The following RSPO2 variants were observed in gnomAD, a reference collection of about 807,000 sequenced individuals.
The protein encoded by RSPO2 is R-spondin 2.
RSPO2 carries 14 observed loss-of-function variants against 30.9 expected under a neutral mutation model. The ratio of observed to expected loss-of-function variants is 0.45; its 90% CI spans 0.30 to 0.71. The LOEUF (loss-of-function observed/expected upper bound fraction) is 0.71. Among genes scored for constraint, RSPO2 ranks in the 30% least tolerant of loss-of-function variants. The pLI, the probability that RSPO2 is intolerant of heterozygous loss-of-function variation, is 0.08. For synonymous variants in RSPO2, 107 were observed against 96.4 expected (o/e 1.11, Z -0.64); for missense variants, 264 against 301.9 (o/e 0.87, Z 0.93).
chr8:107,948,257 T>C (rs1426698750), intron 5 of RSPO2, among the ~76,000 whole-genome samples: 1 of 152,196 alleles, frequency 6.6e-6, no homozygotes, highest in Non-Finnish European at 1.5e-5. Context: ...TAGGAAGTAA[T>C]GGATGCTTAA....
intron 5 of RSPO2, among the ~76,000 whole-genome samples, chr8:107,922,918 T>C (rs1015925801): frequency 2.0e-5 from 3 of 152,028 alleles, no homozygotes; most frequent in Middle Eastern, 6.8e-3. Flanking sequence ...TTACAGCATA[T>C]AAAAAATCAA....
chr8:107,922,063 C>T lies in RSPO2; in HGVS notation c.617-20873G>A, dbSNP rs140712304. On this transcript the variant is annotated intron_variant, in intron 5 of 5. Coordinates refer to ENST00000276659, the MANE Select transcript of RSPO2 (RefSeq NM_178565.5). Reference sequence around the variant, plus strand: ...CACGAGACAAGGATGTCCTCTCTCACCACTTTTATTCAACATAGTATTGGA... The same window carrying T: ...CACGAGACAAGGATGTCCTCTCTCATCACTTTTATTCAACATAGTATTGGA... 3.4e-4 allele frequency among the ~76,000 whole-genome samples: 52 copies of T among 152,238 alleles called. No individual in the cohort carries two copies. In the East Asian group the frequency reaches 9.7e-3, roughly 28 times the overall value.
intron 5 of RSPO2, among the ~76,000 whole-genome samples, chr8:107,945,855 G>A (rs1298994445): frequency 1.3e-5 from 2 of 152,230 alleles, no homozygotes; most frequent in African/African-American, 2.4e-5. Context: ...TAATCAGGAG[G>A]CTCAGTGCCT....
chr8:108,070,341 G>A (rs867817420), intron 2 of RSPO2, among the ~76,000 whole-genome samples: 42 of 143,084 alleles, frequency 2.9e-4, no homozygotes, highest in African/African-American at 9.8e-4. Context: ...GCCGGACTGC[G>A]GACTGCAGTG....
intron 2 of RSPO2, among the ~76,000 whole-genome samples, chr8:108,001,997 T>C (rs945891554): frequency 1.3e-5 from 2 of 152,150 alleles, no homozygotes; most frequent in South Asian, 2.1e-4. Context: ...GGCACATATA[T>C]ACCTATGTAA....
chr8:107,995,876 T>C (rs747708134), intron 2 of RSPO2, among the ~76,000 whole-genome samples: 1 of 152,176 alleles, frequency 6.6e-6, no homozygotes, highest in Non-Finnish European at 1.5e-5. Flanking sequence ...TCAATTTTCC[T>C]GCTTTTATAC....
chr8:108,027,311 C>G (rs1035433466), intron 2 of RSPO2, among the ~76,000 whole-genome samples: 1 of 152,202 alleles, frequency 6.6e-6, no homozygotes. Context: ...AAGACATTGT[C>G]TAGATGCTTA....
intron 5 of RSPO2, among the ~76,000 whole-genome samples, chr8:107,951,053 G>GTTTTTT (rs1186012158): frequency 1.1e-5 from 1 of 92,488 alleles, no homozygotes; most frequent in Non-Finnish European, 2.8e-5. Flanking sequence ...GTTTTTTTTT[G>GTTTTTT]TTGTTGTTGT....
intron 5 of RSPO2, among the ~76,000 whole-genome samples, chr8:107,953,170 C>T (rs1813310246): frequency 6.6e-6 from 1 of 152,154 alleles, no homozygotes; most frequent in Admixed American, 6.5e-5. Context: ...AGGCACAGAG[C>T]CTTCTGATGT....
intron 2 of RSPO2, among the ~76,000 whole-genome samples, chr8:108,070,902 T>A (rs1306018602): frequency 6.6e-6 from 1 of 152,246 alleles, no homozygotes; most frequent in African/African-American, 2.4e-5. Flanking sequence ...AAATACTTTT[T>A]TCTTTAATTT....
At chr8:107,955,820 T>A (rs1474441587) in intron 5 of RSPO2, among the ~76,000 whole-genome samples, 2 of 152,176 alleles carry the variant, frequency 1.3e-5, no homozygotes, top group African/African-American at 4.8e-5. Context: ...TGCGTTTGTG[T>A]GCAATCAGGT....
intron 2 of RSPO2, among the ~76,000 whole-genome samples, chr8:107,992,914 A>AT (rs148709722): frequency 1.3e-5 from 2 of 152,174 alleles, no homozygotes; most frequent in African/African-American, 4.8e-5. Context: ...AAATATCTTA[A>AT]TTTTTTTTAA....
chr8:108,006,821 T>C (rs1463506166), intron 2 of RSPO2, among the ~76,000 whole-genome samples: 1 of 152,210 alleles, frequency 6.6e-6, no homozygotes, highest in Non-Finnish European at 1.5e-5. Context: ...TCTCTCCCTC[T>C]GTGTATGTCA....
chr8:108,073,652 CAT>C (rs1171066424), intron 2 of RSPO2, among the ~76,000 whole-genome samples: 1 of 152,192 alleles, frequency 6.6e-6, no homozygotes, highest in Non-Finnish European at 1.5e-5. Context: ...AGTTAGATCA[CAT>C]GAGAAGTTTT....
At chr8:107,968,994 G>A (rs969533020) in intron 3 of RSPO2, among the ~76,000 whole-genome samples, 1 of 152,086 alleles carries the variant, frequency 6.6e-6, no homozygotes, top group Non-Finnish European at 1.5e-5. Flanking sequence ...ACAATCATTT[G>A]TTGGGTACCT....
intron 2 of RSPO2, among the ~76,000 whole-genome samples, chr8:108,008,913 T>C (rs1810598760): frequency 1.3e-5 from 2 of 151,900 alleles, no homozygotes; most frequent in Admixed American, 6.6e-5. Context: ...GTATAAAGAA[T>C]ATTGGCAAAT....
chr8:107,999,668 C>T (rs1815161745), intron 2 of RSPO2, among the ~76,000 whole-genome samples: 1 of 152,162 alleles, frequency 6.6e-6, no homozygotes, highest in African/African-American at 2.4e-5. Context: ...CTTCTGGCCT[C>T]AAGTGATCCG....
Position 107,900,911 on chromosome 8 carries a change from A to AT in RSPO2, c.*163dup, listed in dbSNP as rs1279524087. On this transcript the variant is annotated 3_prime_UTR_variant, in exon 6 of 6. Transcript: ENST00000276659. ...TCTCCAGATTCAAATCAAAGCATAA[A>AT]TAACACAGGGGCCATGCTGGTGGTG... The AT allele has an allele frequency of 1.5e-6, 1 of 689,080 alleles. No homozygotes were observed. The highest frequency in any genetic ancestry group is 2.4e-6 in the Non-Finnish European group (1 of 416,916). 42.7% of individuals were successfully genotyped at this position (689,080 alleles called of 1,614,324 possible).
intron 5 of RSPO2, among the ~76,000 whole-genome samples, chr8:107,906,358 T>TATTTTATATTTTATATTTTTAGTAATAGC (rs1554625828): frequency 9.4e-5 from 14 of 149,526 alleles, no homozygotes; most frequent in Admixed American, 2.0e-4. Context: ...TTATATTTTA[T>TATTTTATATTTTATATTTTTAGTAATAGC]ATTTTATATT....
Sources: gnomAD v4.1 joint callset for allele counts (sites outside exome capture counted in the v4.1 genomes callset) on GRCh38, gnomAD v4.1.1 for gene constraint, MANE v1.5 for transcripts, NCBI Gene and HGNC (gene_info 2026-07-23, HGNC 2026-07-21) for gene names.